Variants in PLXNA4 observed in about 807,000 individuals in gnomAD.
The protein encoded by PLXNA4 is plexin-A4.
In PLXNA4, 44 loss-of-function variants were observed where a neutral mutation model predicts 191.8. That is an observed-to-expected ratio of 0.23 (90% CI 0.18 to 0.29). The LOEUF is 0.29. Ranked by LOEUF, PLXNA4 falls within the 10% of genes least tolerant of loss-of-function variation. The pLI is 1.00. For synonymous variants in PLXNA4, 1,082 were observed against 1,009.5 expected, an observed-to-expected ratio of 1.07 and a Z score of -1.36; for missense variants, 1,800 against 2,488.8, an observed-to-expected ratio of 0.72 and a Z score of 5.89.
At chr7:132,486,019 T>G (rs1218465067) in intron 3 of PLXNA4, among the ~76,000 whole-genome samples, 1 of 152,116 alleles carries the variant, frequency 6.6e-6, no homozygotes, top group Non-Finnish European at 1.5e-5. Context: ...GCAAACACCC[T>G]TACTCTTAGC....
At chr7:132,271,228 A>G (rs934923652) in intron 4 of PLXNA4, 1 of 152,146 alleles carries the variant, frequency 6.6e-6, no homozygotes, top group African/African-American at 2.4e-5. Flanking sequence ...ATCCATAGTA[A>G]ACTTTGAATG....
intron 3 of PLXNA4, among the ~76,000 whole-genome samples, chr7:132,359,464 G>C (rs1210349047): frequency 6.6e-6 from 1 of 152,044 alleles, no homozygotes; most frequent in Non-Finnish European, 1.5e-5. Flanking sequence ...TGATCTGCCT[G>C]CCACGGTCTC....
intron 3 of PLXNA4, among the ~76,000 whole-genome samples, chr7:132,470,504 A>G (rs2117413157): frequency 6.6e-6 from 1 of 152,338 alleles, no homozygotes; most frequent in African/African-American, 2.4e-5. Context: ...AGGTAGAATC[A>G]TGCCCCCTCC....
chr7:132,289,331 T>C (rs1317424489), intron 4 of PLXNA4, among the ~76,000 whole-genome samples: 2 of 152,180 alleles, frequency 1.3e-5, no homozygotes, highest in Admixed American at 6.5e-5. Context: ...TCCACTTGAT[T>C]TCCTTTTTCT....
At chr7:132,507,482 G>C (rs780683210) in intron 2 of PLXNA4, 24 bp downstream of exon 2, 2 of 1,580,904 alleles carry the variant, frequency 1.3e-6, no homozygotes, top group Admixed American at 3.5e-5. Context: ...AACCATCCCA[G>C]CGCGCAGCCC....
intron 3 of PLXNA4, among the ~76,000 whole-genome samples, chr7:132,467,157 T>C (rs912225321): frequency 7.2e-5 from 11 of 152,088 alleles, no homozygotes; most frequent in Non-Finnish European, 1.6e-4. Context: ...ATTCATCAAG[T>C]CACAAAATAA....
chr7:132,253,248 T>G (rs1179703390), intron 4 of PLXNA4, among the ~76,000 whole-genome samples: 1 of 149,998 alleles, frequency 6.7e-6, no homozygotes, highest in Non-Finnish European at 1.5e-5. Context: ...TTTTTTTTTT[T>G]TTTTTGAGAT....
intron 3 of PLXNA4, among the ~76,000 whole-genome samples, chr7:132,422,568 C>T (rs1383519870): frequency 6.6e-6 from 1 of 152,242 alleles, no homozygotes; most frequent in African/African-American, 2.4e-5. Context: ...CATCCAGAGA[C>T]AGATTCGTGT....
intron 31 of PLXNA4, among the ~76,000 whole-genome samples, chr7:132,132,430 C>CTGTTCTGT (rs1794967734): frequency 3.9e-5 from 3 of 76,328 alleles, no homozygotes; most frequent in African/African-American, 1.5e-4. Context: ...CTGTTCTGTT[C>CTGTTCTGT]TGTTCTGTTC....
chr7:132,526,679 G>T (rs1361957928), intron 1 of PLXNA4, among the ~76,000 whole-genome samples: 2 of 152,164 alleles, frequency 1.3e-5, no homozygotes, highest in Non-Finnish European at 2.9e-5. Flanking sequence ...TGCCCTATGG[G>T]GTAAGGCTAT....
At chr7:132,593,623 G>A (rs1802646051) in intron 2 of PLXNA4, among the ~76,000 whole-genome samples, 1 of 152,208 alleles carries the variant, frequency 6.6e-6, no homozygotes, top group South Asian at 2.1e-4. Flanking sequence ...CCCAAATGTG[G>A]CCTCCACGTC....
chr7:132,490,129 G>A (rs748407655), intron 2 of PLXNA4, among the ~76,000 whole-genome samples: 2 of 152,218 alleles, frequency 1.3e-5, no homozygotes, highest in Non-Finnish European at 2.9e-5. Context: ...GGTGCTTTAT[G>A]AGCTCCGACC....
intron 14 of PLXNA4, among the ~76,000 whole-genome samples, chr7:132,191,391 T>G (rs1366313887): frequency 6.6e-6 from 1 of 152,070 alleles, no homozygotes; most frequent in Non-Finnish European, 1.5e-5. Context: ...GAGAGGAGGA[T>G]GCACTCTTTA....
At chr7:132,251,414 C>T (rs528021682) in intron 4 of PLXNA4, among the ~76,000 whole-genome samples, 14 of 152,130 alleles carry the variant, frequency 9.2e-5, no homozygotes, top group African/African-American at 1.7e-4. Context: ...AAGAAGAAGG[C>T]GGGGAGGGGC....
At chr7:132,155,003 G>A (rs1333719273) in intron 25 of PLXNA4, among the ~76,000 whole-genome samples, 1 of 152,214 alleles carries the variant, frequency 6.6e-6, no homozygotes, top group Non-Finnish European at 1.5e-5. Flanking sequence ...GGAGACAGCT[G>A]CTGTGAACTC....
intron 1 of PLXNA4, among the ~76,000 whole-genome samples, chr7:132,509,039 T>G (rs1056870995): frequency 2.0e-5 from 3 of 152,136 alleles, no homozygotes; most frequent in Non-Finnish European, 2.9e-5. Context: ...ATGATGATGA[T>G]GATCATGATT....
At chr7:132,226,915 A>G (rs1471996055) in intron 7 of PLXNA4, among the ~76,000 whole-genome samples, 7 of 152,252 alleles carry the variant, frequency 4.6e-5, no homozygotes, top group Admixed American at 2.6e-4. Context: ...GACAACATGG[A>G]ATCAATCTGC....
rs542763619 is a variant in PLXNA4, at chr7:132,171,944, C to T, written c.4017+2834G>A. Among the ~76,000 whole-genome samples, 6 of 152,208 alleles carry T rather than the reference C, an allele frequency of 3.9e-5. No homozygotes were observed. The South Asian group carries it at 6.2e-4, about 16-fold the overall frequency. ...TAAACGGCAACAGTTTTATTACCTG[C>T]CTTTCAGACTCCCTGGACTGCTTTC... On this transcript the variant is annotated intron_variant, in intron 21 of 31. Transcript: ENST00000321063.
intron 1 of PLXNA4, among the ~76,000 whole-genome samples, chr7:132,550,862 A>C (rs561803551): frequency 1.3e-5 from 2 of 152,124 alleles, no homozygotes; most frequent in Admixed American, 1.3e-4. Context: ...CCTCCTGGCC[A>C]CTCACACACC....
Sources: gnomAD v4.1 joint callset for allele counts (sites outside exome capture counted in the v4.1 genomes callset) on GRCh38, gnomAD v4.1.1 for gene constraint, MANE v1.5 for transcripts, NCBI Gene and HGNC (gene_info 2026-07-23, HGNC 2026-07-21) for gene names.